PLCXD3: variants seen among roughly 807,000 people sequenced by gnomAD.
PLCXD3 encodes the protein PI-PLC X domain-containing protein 3.
Under a neutral mutation model 25.5 loss-of-function variants are expected in PLCXD3, and 19 were observed. The observed-to-expected ratio is 0.75, with a 90% CI of 0.52 to 1.09. PLCXD3 has a LOEUF of 1.09. PLCXD3 is among the 50% of genes least tolerant of loss of function. The pLI is 0.00. For missense variants in PLCXD3, 411 were observed against 388.1 expected (o/e 1.06, Z -0.50); for synonymous variants, 174 against 137.6 (o/e 1.26, Z -1.85).
chr5:41,475,122 T>C (rs1748251925), intron 1 of PLCXD3, among the ~76,000 whole-genome samples: 1 of 152,146 alleles, frequency 6.6e-6, no homozygotes, highest in South Asian at 2.1e-4. Flanking sequence ...AAAAAGATGG[T>C]ATGTACCAAA....
At chr5:41,383,056 G>A (rs1745521905) in intron 1 of PLCXD3, among the ~76,000 whole-genome samples, 1 of 152,012 alleles carries the variant, frequency 6.6e-6, no homozygotes, top group Non-Finnish European at 1.5e-5. Flanking sequence ...AAGTGATAGG[G>A]GAAAGGAGAA....
intron 1 of PLCXD3, among the ~76,000 whole-genome samples, chr5:41,459,448 T>A (rs1747826242): frequency 1.3e-5 from 2 of 151,878 alleles, no homozygotes; most frequent in African/African-American, 2.4e-5. Flanking sequence ...AATGCCACAA[T>A]GAATAAATAC....
At chr5:41,354,993 A>G (rs548074026) in intron 2 of PLCXD3, among the ~76,000 whole-genome samples, 2 of 152,334 alleles carry the variant, frequency 1.3e-5, no homozygotes, top group South Asian at 2.1e-4. Context: ...CCCAAATGGT[A>G]TGCTGTCTTA....
intron 1 of PLCXD3, among the ~76,000 whole-genome samples, chr5:41,396,800 T>C (rs918825279): frequency 1.5e-4 from 23 of 152,252 alleles, no homozygotes; most frequent in African/African-American, 5.5e-4. Context: ...GCACTTGCTA[T>C]GCTTCAGCAA....
intron 2 of PLCXD3, among the ~76,000 whole-genome samples, chr5:41,354,392 A>G (rs770024591): frequency 4.6e-5 from 7 of 152,152 alleles, no homozygotes; most frequent in Non-Finnish European, 7.3e-5. Flanking sequence ...AGTGAATGGC[A>G]TCAGAAGTGA....
At chr5:41,409,997 A>C (rs77551346) in intron 1 of PLCXD3, among the ~76,000 whole-genome samples, 1 of 152,230 alleles carries the variant, frequency 6.6e-6, no homozygotes, top group South Asian at 2.1e-4. Flanking sequence ...AATGAATGAA[A>C]GAATTAATAA....
chr5:41,351,041 A>G (rs1359737717), intron 2 of PLCXD3, among the ~76,000 whole-genome samples: 1 of 152,214 alleles, frequency 6.6e-6, no homozygotes, highest in Non-Finnish European at 1.5e-5. Context: ...GTATTAAATT[A>G]TGTTTTATAA....
At chr5:41,405,468 G>C (rs536470654) in intron 1 of PLCXD3, among the ~76,000 whole-genome samples, 1 of 151,940 alleles carries the variant, frequency 6.6e-6, no homozygotes, top group Admixed American at 6.6e-5. Context: ...ATGTTATTAC[G>C]AACACTTGTT....
chr5:41,490,418 A>G (rs1045177566), intron 1 of PLCXD3, among the ~76,000 whole-genome samples: 2 of 152,088 alleles, frequency 1.3e-5, no homozygotes, highest in Non-Finnish European at 2.9e-5. Context: ...TGTCTCTGCC[A>G]GGCTTTGGTA....
chr5:41,368,415 T>C (rs1191999814), intron 2 of PLCXD3, among the ~76,000 whole-genome samples: 1 of 152,204 alleles, frequency 6.6e-6, no homozygotes, highest in Non-Finnish European at 1.5e-5. Flanking sequence ...AAGTTGCTTG[T>C]CAGCTTAAGA....
intron 2 of PLCXD3, among the ~76,000 whole-genome samples, chr5:41,334,730 A>G (rs1743931422): frequency 1.3e-5 from 2 of 152,132 alleles, no homozygotes. Flanking sequence ...TCCATTTTCA[A>G]TTAAAATAAG....
intron 2 of PLCXD3, among the ~76,000 whole-genome samples, chr5:41,321,027 A>G (rs1743453302): frequency 6.6e-6 from 1 of 152,238 alleles, no homozygotes. Flanking sequence ...CTTTTCCTCT[A>G]AGAGCTGGCA....
At chr5:41,381,238 T>G (rs1269495562) in intron 2 of PLCXD3, among the ~76,000 whole-genome samples, 3 of 152,032 alleles carry the variant, frequency 2.0e-5, no homozygotes, top group Non-Finnish European at 4.4e-5. Context: ...ACTACACAAA[T>G]GTGAAAAAGG....
intron 2 of PLCXD3, among the ~76,000 whole-genome samples, chr5:41,368,264 T>C (rs1744994363): frequency 6.6e-6 from 1 of 152,152 alleles, no homozygotes; most frequent in South Asian, 2.1e-4. Flanking sequence ...CTATATTTGG[T>C]TCAGTCATAA....
chr5:41,318,350 A>G (rs1743361506), intron 2 of PLCXD3, among the ~76,000 whole-genome samples: 1 of 152,228 alleles, frequency 6.6e-6, no homozygotes, highest in Non-Finnish European at 1.5e-5. Flanking sequence ...AGAAAGACTA[A>G]ACAATGAACC....
At chr5:41,438,868 C>T (rs1444717044) in intron 1 of PLCXD3, among the ~76,000 whole-genome samples, 2 of 150,620 alleles carry the variant, frequency 1.3e-5, no homozygotes, top group South Asian at 2.1e-4. Flanking sequence ...AAAAGCTAAG[C>T]GAACAGCCAA....
Position 41,310,976 on chromosome 5 carries a change from A to C in PLCXD3, c.*2641T>G, listed in dbSNP as rs1183638261. The C allele has an allele frequency of 6.6e-6, 1 of 152,252 alleles. No individual in the cohort carries two copies. The highest frequency in any genetic ancestry group is 1.5e-5 in the Non-Finnish European group (1 of 68,016). 9.4% of individuals were successfully genotyped at this position (152,252 alleles called of 1,614,324 possible). On this transcript the variant is annotated 3_prime_UTR_variant, in exon 3 of 3. Transcript: ENST00000377801. Reference sequence around the variant, plus strand: ...TCATGTTTGTTTTTTTCCAGAACCCAGTTGACAAATAGGACAAAGTTAATT... The same window carrying C: ...TCATGTTTGTTTTTTTCCAGAACCCCGTTGACAAATAGGACAAAGTTAATT...
chr5:41,420,225 A>G (rs1038725519), intron 1 of PLCXD3, among the ~76,000 whole-genome samples: 25 of 152,212 alleles, frequency 1.6e-4, no homozygotes, highest in African/African-American at 6.0e-4. Context: ...CTAAATATAT[A>G]TTAACTAGAG....
intron 1 of PLCXD3, among the ~76,000 whole-genome samples, chr5:41,448,554 C>T (rs1747557635): frequency 6.6e-6 from 1 of 152,196 alleles, no homozygotes; most frequent in African/African-American, 2.4e-5. Context: ...TGTAGCCTGC[C>T]TTAACTCTTT....
Sources: gnomAD v4.1 joint callset for allele counts (sites outside exome capture counted in the v4.1 genomes callset) on GRCh38, gnomAD v4.1.1 for gene constraint, MANE v1.5 for transcripts, NCBI Gene and HGNC (gene_info 2026-07-23, HGNC 2026-07-21) for gene names.